FCHSD2: variants seen among roughly 807,000 people sequenced by gnomAD.
FCHSD2 encodes the protein F-BAR and double SH3 domains protein 2.
Under a neutral mutation model 108.1 loss-of-function variants are expected in FCHSD2, and 38 were observed. That is an observed-to-expected ratio of 0.35 (90% CI 0.27 to 0.46). The LOEUF (loss-of-function observed/expected upper bound fraction) is 0.46. Among genes scored for constraint, FCHSD2 ranks in the 20% least tolerant of loss-of-function variants. The pLI, the probability that FCHSD2 is intolerant of heterozygous loss-of-function variation, is 1.00. For synonymous variants in FCHSD2, 279 were observed against 314.7 expected, an observed-to-expected ratio of 0.89 and a Z score of 1.20; for missense variants, 751 against 897.8, an observed-to-expected ratio of 0.84 and a Z score of 2.09.
intron 8 of FCHSD2, among the ~76,000 whole-genome samples, chr11:72,934,256 A>G (rs1383413076): frequency 6.6e-6 from 1 of 151,896 alleles, no homozygotes; most frequent in Non-Finnish European, 1.5e-5. Flanking sequence ...AAACACAAGA[A>G]TGTTCTTTAC....
intron 3 of FCHSD2, among the ~76,000 whole-genome samples, chr11:73,070,081 A>G (rs1457141742): frequency 6.6e-6 from 1 of 152,248 alleles, no homozygotes. Flanking sequence ...GGCAAAAGTA[A>G]AAAAGGAAAC....
At chr11:72,852,174 C>T (rs757606014) in intron 13 of FCHSD2, among the ~76,000 whole-genome samples, 1 of 151,976 alleles carries the variant, frequency 6.6e-6, no homozygotes, top group African/African-American at 2.4e-5. Flanking sequence ...TAGGAGTGAG[C>T]CATCATGCCT....
intron 4 of FCHSD2, among the ~76,000 whole-genome samples, chr11:73,008,357 T>C (rs574431510): frequency 6.6e-6 from 1 of 151,432 alleles, no homozygotes; most frequent in South Asian, 2.1e-4. Flanking sequence ...AAAGAAAATG[T>C]GATTAAGTTC....
intron 3 of FCHSD2, among the ~76,000 whole-genome samples, chr11:73,038,574 T>A (rs1201519756): frequency 6.6e-6 from 1 of 152,166 alleles, no homozygotes; most frequent in Non-Finnish European, 1.5e-5. Flanking sequence ...GCAACGATTA[T>A]CCTAAGCAAA....
intron 2 of FCHSD2, among the ~76,000 whole-genome samples, chr11:73,131,494 A>G (rs960789034): frequency 5.3e-5 from 8 of 152,158 alleles, no homozygotes; most frequent in African/African-American, 1.7e-4. Flanking sequence ...GCGCCACTGC[A>G]CTCCAGCCTG....
At chr11:72,883,947 AAATT>A (rs1855143473) in intron 12 of FCHSD2, among the ~76,000 whole-genome samples, 1 of 151,950 alleles carries the variant, frequency 6.6e-6, no homozygotes, top group African/African-American at 2.4e-5. Context: ...AAAAAAAAAA[AAATT>A]TTTTTTAATG....
intron 10 of FCHSD2, among the ~76,000 whole-genome samples, chr11:72,892,158 G>A (rs978178091): frequency 1.3e-5 from 2 of 152,088 alleles, no homozygotes; most frequent in Non-Finnish European, 2.9e-5. Context: ...TAGGTAAAGG[G>A]GTTTAAATTG....
At chr11:72,988,392 A>G (rs1056405258) in intron 6 of FCHSD2, among the ~76,000 whole-genome samples, 4 of 152,236 alleles carry the variant, frequency 2.6e-5, no homozygotes, top group Non-Finnish European at 4.4e-5. Context: ...TATTCTTAAA[A>G]AAAGGTCTTA....
intron 8 of FCHSD2, among the ~76,000 whole-genome samples, chr11:72,947,278 A>C (rs1309213429): frequency 1.3e-5 from 2 of 152,238 alleles, no homozygotes; most frequent in African/African-American, 4.8e-5. Context: ...TCACAAGAGA[A>C]GTTTGAACTC....
chr11:72,923,768 C>T (rs1029992709), intron 8 of FCHSD2, among the ~76,000 whole-genome samples: 6 of 151,990 alleles, frequency 3.9e-5, no homozygotes, highest in Non-Finnish European at 7.4e-5. Flanking sequence ...GGTGAAACCC[C>T]GTCTCTACTA....
chr11:72,903,893 C>T (rs537051749), intron 9 of FCHSD2, among the ~76,000 whole-genome samples: 1 of 152,262 alleles, frequency 6.6e-6, no homozygotes, highest in South Asian at 2.1e-4. Flanking sequence ...GCTTCCCTCC[C>T]CCTCACTCCA....
chr11:72,861,024 T>C (rs1861559195), intron 13 of FCHSD2, among the ~76,000 whole-genome samples: 1 of 151,068 alleles, frequency 6.6e-6, no homozygotes, highest in Admixed American at 6.6e-5. Context: ...AAATCCAAAT[T>C]GAACAGAAGA....
chr11:73,056,856 G>A (rs1859036887), intron 3 of FCHSD2, among the ~76,000 whole-genome samples: 1 of 152,180 alleles, frequency 6.6e-6, no homozygotes, highest in African/African-American at 2.4e-5. Context: ...GCCAAGGTGG[G>A]TGGATCACAG....
In FCHSD2 at chr11:73,010,317, G is replaced by A; in HGVS notation, c.242+5492C>T. Among the ~76,000 whole-genome samples the A allele has an allele frequency of 1.3e-5, 2 of 151,868 alleles. 1 individual carries two copies. The highest frequency in any genetic ancestry group is 1.3e-4 in the Admixed American group (2 of 15,256). On this transcript the variant is annotated intron_variant, in intron 4 of 19. Transcript: ENST00000409418. The stretch of plus-strand genomic sequence containing the variant: ...CCTGAATTGTTTTTCTGATTTCTCT[G>A]TACTGTTTTTCAGAATTTTCTTGTA...
At chr11:72,855,901 C>T (rs565853751) in intron 13 of FCHSD2, among the ~76,000 whole-genome samples, 9 of 152,246 alleles carry the variant, frequency 5.9e-5, no homozygotes, top group African/African-American at 2.2e-4. Context: ...ACTCTTTGAA[C>T]TATTAGAATA....
chr11:72,938,555 T>C (rs1332349790), intron 8 of FCHSD2, among the ~76,000 whole-genome samples: 1 of 152,152 alleles, frequency 6.6e-6, no homozygotes. Flanking sequence ...TTGCAAGGTG[T>C]CCTTTTCCTG....
At chr11:72,970,722 G>A (rs984131235) in intron 8 of FCHSD2, among the ~76,000 whole-genome samples, 3 of 152,116 alleles carry the variant, frequency 2.0e-5, no homozygotes, top group Non-Finnish European at 4.4e-5. Context: ...GGTGAGATGC[G>A]AATTCTTCTA....
chr11:73,061,368 C>G (rs1295903081), intron 3 of FCHSD2, among the ~76,000 whole-genome samples: 1 of 152,226 alleles, frequency 6.6e-6, no homozygotes, highest in African/African-American at 2.4e-5. Flanking sequence ...CAAGTACAAA[C>G]CTGGGTGGCC....
At chr11:73,100,764 C>T (rs754794385) in intron 2 of FCHSD2, among the ~76,000 whole-genome samples, 2 of 152,012 alleles carry the variant, frequency 1.3e-5, no homozygotes, top group Non-Finnish European at 2.9e-5. Flanking sequence ...TGTTGAAATT[C>T]GAATCTATTG....
Sources: gnomAD v4.1 joint callset for allele counts (sites outside exome capture counted in the v4.1 genomes callset) on GRCh38, gnomAD v4.1.1 for gene constraint, MANE v1.5 for transcripts, NCBI Gene and HGNC (gene_info 2026-07-23, HGNC 2026-07-21) for gene names.